Variants in TTC27 observed in about 807,000 individuals in gnomAD.
TTC27 encodes tetratricopeptide repeat domain 27, also known as tetratricopeptide repeat protein 27.
A neutral mutation model predicts 115.9 loss-of-function variants in TTC27; 79 were observed. The ratio of observed to expected loss-of-function variants is 0.68; its 90% CI spans 0.57 to 0.82. The LOEUF (loss-of-function observed/expected upper bound fraction) is 0.82. Ranked by LOEUF, TTC27 falls within the 40% of genes least tolerant of loss-of-function variation. The pLI is 0.00. For synonymous variants in TTC27, 401 were observed against 356.0 expected, an observed-to-expected ratio of 1.13 and a Z score of -1.42; for missense variants, 1,054 against 993.1, an observed-to-expected ratio of 1.06 and a Z score of -0.82.
chr2:32,687,841 A>T (rs1046395652), intron 9 of TTC27, among the ~76,000 whole-genome samples: 1 of 152,208 alleles, frequency 6.6e-6, no homozygotes, highest in Non-Finnish European at 1.5e-5. Context: ...AAAACAGACA[A>T]TGTCACAATC....
chr2:32,772,981 C>G (rs1669879352), intron 13 of TTC27, among the ~76,000 whole-genome samples: 1 of 152,284 alleles, frequency 6.6e-6, no homozygotes, highest in African/African-American at 2.4e-5. Flanking sequence ...CCACTTGAAT[C>G]CCAGTCGTCT....
chr2:32,741,212 GCCTT>G (rs1172835316), intron 12 of TTC27, among the ~76,000 whole-genome samples: 1 of 152,234 alleles, frequency 6.6e-6, no homozygotes. Flanking sequence ...TCTACAGAGA[GCCTT>G]CCCAGATACT....
chr2:32,676,377 C>T (rs902036824), intron 8 of TTC27, among the ~76,000 whole-genome samples: 4 of 151,308 alleles, frequency 2.6e-5, no homozygotes, highest in African/African-American at 9.7e-5. Flanking sequence ...CAATAAAAAT[C>T]GGTTCATTTA....
Position 32,633,936 on chromosome 2 carries a change from G to A in TTC27, c.327G>A (p.Trp109Ter), listed in dbSNP as rs750961774. The A allele has an allele frequency of 6.2e-7, 1 of 1,613,998 alleles. No individual in the cohort carries two copies. Among genetic ancestry groups the A allele is most frequent in the Admixed American group, 1.7e-5 (1 of 59,988 alleles). Residue 109 changes from tryptophan to a stop codon, truncating the protein, a stop_gained, in exon 3 of 20, where the codon TGG becomes TGA. Transcript: ENST00000317907. LOFTEE classifies it high-confidence loss of function. ...SSLQLFVQSN[W>*]TGPPVDLHPQ... ...TGCAACTTTTTGTTCAGAGCAACTG[G>A]ACGGGGCCCCCTGTTGACTTACACC...
At chr2:32,722,642 A>G (rs1380784790) in intron 10 of TTC27, among the ~76,000 whole-genome samples, 5 of 152,212 alleles carry the variant, frequency 3.3e-5, no homozygotes, top group African/African-American at 1.2e-4. Context: ...TAAGGAAGCT[A>G]TGAGAACTGG....
chr2:32,740,799 C>T (rs1233579987), intron 12 of TTC27, among the ~76,000 whole-genome samples: 3 of 152,104 alleles, frequency 2.0e-5, no homozygotes, highest in Non-Finnish European at 2.9e-5. Flanking sequence ...GGATTACAGG[C>T]GTGCAGCACC....
chr2:32,719,299 A>G (rs532440363), intron 10 of TTC27, among the ~76,000 whole-genome samples: 147 of 152,372 alleles, frequency 9.6e-4, no homozygotes, highest in African/African-American at 3.5e-3. Context: ...TGCAGTGATT[A>G]GGAGAGGCAC....
chr2:32,685,918 A>G (rs1979150), intron 9 of TTC27, among the ~76,000 whole-genome samples: 118,144 of 152,150 alleles, frequency 0.78, 45,942 homozygotes, highest in Middle Eastern at 0.88. Context: ...TAGGATATAA[A>G]CTACCTTTAT....
At chr2:32,804,838 G>A (rs1412148750) in intron 16 of TTC27, among the ~76,000 whole-genome samples, 3 of 151,906 alleles carry the variant, frequency 2.0e-5, no homozygotes, top group Admixed American at 1.3e-4. Flanking sequence ...GTGATTGGCC[G>A]ATGAACCCAA....
intron 5 of TTC27, among the ~76,000 whole-genome samples, chr2:32,654,646 T>C (rs1665250545): frequency 6.6e-6 from 1 of 152,076 alleles, no homozygotes; most frequent in African/African-American, 2.4e-5. Flanking sequence ...TCCTCCTACC[T>C]TAGCCTTCTG....
At chr2:32,644,464 G>A (rs2151865845) in intron 4 of TTC27, among the ~76,000 whole-genome samples, 2 of 152,174 alleles carry the variant, frequency 1.3e-5, no homozygotes, top group South Asian at 4.2e-4. Context: ...ATTCTTGTAG[G>A]GTTGCAGAGG....
chr2:32,652,014 G>T (rs1665143217), intron 5 of TTC27, among the ~76,000 whole-genome samples: 1 of 152,120 alleles, frequency 6.6e-6, no homozygotes, highest in Non-Finnish European at 1.5e-5. Context: ...GGTATCCAAG[G>T]GGGATTGGTT....
At chr2:32,660,506 C>T (rs1665505243) in intron 5 of TTC27, among the ~76,000 whole-genome samples, 1 of 151,982 alleles carries the variant, frequency 6.6e-6, no homozygotes, top group East Asian at 1.9e-4. Flanking sequence ...AACAGAAAAC[C>T]GAACACTGCA....
chr2:32,718,053 A>G (rs1667809635), intron 10 of TTC27, among the ~76,000 whole-genome samples: 1 of 152,224 alleles, frequency 6.6e-6, no homozygotes, highest in Non-Finnish European at 1.5e-5. Flanking sequence ...GAAGGGCTTA[A>G]TAAATGTTAG....
intron 10 of TTC27, among the ~76,000 whole-genome samples, chr2:32,730,938 A>T (rs1024561088): frequency 6.6e-6 from 1 of 152,108 alleles, no homozygotes; most frequent in East Asian, 1.9e-4. Context: ...TAACTTTTGT[A>T]TATTAATTTA....
At chr2:32,728,178 C>G (rs1668173232) in intron 10 of TTC27, among the ~76,000 whole-genome samples, 1 of 151,814 alleles carries the variant, frequency 6.6e-6, no homozygotes, top group Non-Finnish European at 1.5e-5. Flanking sequence ...GTACCTGGGA[C>G]TGCAGGTGCC....
chr2:32,628,247 G>A lies in TTC27; in HGVS notation c.-46G>A. ...TTCACTTTCTTTTGTTGACTCCCGT[G>A]TGGCCCTCGTGGGAGCCTGTTTTGG... On this transcript the variant is annotated 5_prime_UTR_variant, in exon 1 of 20. It adds an upstream start codon to the 5' untranslated region. Coordinates refer to ENST00000317907, the MANE Select transcript of TTC27 (RefSeq NM_017735.5). The A allele has an allele frequency of 1.3e-6, 2 of 1,561,820 alleles. No individual in the cohort carries two copies. Among genetic ancestry groups the A allele is most frequent in the Non-Finnish European group, 1.7e-6 (2 of 1,147,008 alleles).
At position 32,664,432 on chromosome 2, in the gene TTC27, C is replaced by G. The variant is rs749480932; in HGVS notation, c.770C>G (p.Ala257Gly). 1 of 1,609,080 alleles carries G rather than the reference C, an allele frequency of 6.2e-7. No individual in the cohort carries two copies. The highest frequency in any genetic ancestry group is 1.7e-5 in the Admixed American group (1 of 58,496). Residue 257 changes from alanine to glycine, a missense_variant, in exon 6 of 20, where the codon GCT becomes GGT. Transcript: ENST00000317907. ...AAAGCAAAAGATCAGTTGGATATTG[C>G]TAAGGACATCAGCCAATTACAAATT... ...YRKAKDQLDI[A>G]KDISQLQIDL...
intron 9 of TTC27, among the ~76,000 whole-genome samples, chr2:32,700,276 G>GA (rs546689820): frequency 1.1e-3 from 170 of 152,264 alleles, no homozygotes; most frequent in African/African-American, 2.9e-3. Context: ...TAGAGAGGAG[G>GA]AAAGTGAGAC....
Sources: gnomAD v4.1 joint callset for allele counts (sites outside exome capture counted in the v4.1 genomes callset) on GRCh38, gnomAD v4.1.1 for gene constraint, MANE v1.5 for transcripts, NCBI Gene and HGNC (gene_info 2026-07-23, HGNC 2026-07-21) for gene names.